Variants in RNF144A observed in about 807,000 individuals in gnomAD.
RNF144A encodes the protein ring finger protein 144A.
A neutral mutation model predicts 38.7 loss-of-function variants in RNF144A; 11 were observed. That is an observed-to-expected ratio of 0.28 (90% CI 0.18 to 0.47). The LOEUF (loss-of-function observed/expected upper bound fraction) is 0.47, where lower values mean the gene tolerates loss of function less well. Among genes scored for constraint, RNF144A ranks in the 20% least tolerant of loss-of-function variants. The pLI is 0.99. For synonymous variants in RNF144A, 149 were observed against 143.9 expected (o/e 1.04, Z -0.25); for missense variants, 316 against 377.2 (o/e 0.84, Z 1.34).
At chr2:6,972,121 C>T (rs1668033664) in intron 2 of RNF144A, among the ~76,000 whole-genome samples, 2 of 152,148 alleles carry the variant, frequency 1.3e-5, no homozygotes, top group East Asian at 1.9e-4. Flanking sequence ...CCTAAACCCA[C>T]CCATTTCCCT....
chr2:6,951,989 T>G (rs2103315029), intron 2 of RNF144A, among the ~76,000 whole-genome samples: 1 of 152,298 alleles, frequency 6.6e-6, no homozygotes, highest in African/African-American at 2.4e-5. Flanking sequence ...AGCCTGAGTT[T>G]TATAGGGAAT....
At chr2:6,959,030 G>C (rs1667176699) in intron 2 of RNF144A, among the ~76,000 whole-genome samples, 1 of 152,220 alleles carries the variant, frequency 6.6e-6, no homozygotes, top group Non-Finnish European at 1.5e-5. Context: ...ACTGCCCTCA[G>C]AGCACAGAAC....
chr2:6,938,250 C>CCCCTTTTT (rs1558364934), intron 1 of RNF144A, among the ~76,000 whole-genome samples: 2 of 114,500 alleles, frequency 1.7e-5, no homozygotes, highest in African/African-American at 3.2e-5. Flanking sequence ...CCTCCCCTCC[C>CCCCTTTTT]TTTTTTTTTT....
chr2:7,070,998 G>T (rs1326152173), downstream of RNF144A, among the ~76,000 whole-genome samples: 5 of 144,114 alleles, frequency 3.5e-5, no homozygotes, highest in Non-Finnish European at 6.0e-5. Context: ...GCAGTGGCAT[G>T]ATCTCAGATC....
intron 1 of RNF144A, among the ~76,000 whole-genome samples, chr2:6,927,421 G>C (rs1309519988): frequency 6.6e-6 from 1 of 152,234 alleles, no homozygotes. Context: ...AGTGGATCCA[G>C]CCTTTCCTCG....
intron 3 of RNF144A, among the ~76,000 whole-genome samples, chr2:7,012,753 A>G (rs1670900074): frequency 1.3e-5 from 2 of 152,216 alleles, no homozygotes; most frequent in Non-Finnish European, 2.9e-5. Context: ...ATTGGTTTTA[A>G]TGAATTTATC....
intron 3 of RNF144A, among the ~76,000 whole-genome samples, chr2:7,005,482 T>A (rs1034724906): frequency 3.9e-5 from 6 of 152,124 alleles, no homozygotes; most frequent in African/African-American, 1.4e-4. Flanking sequence ...GGGATGACTT[T>A]AGGGTGCAAA....
At chr2:7,037,511 A>G (rs11683449) in intron 8 of RNF144A, among the ~76,000 whole-genome samples, 389 of 152,372 alleles carry the variant, frequency 2.6e-3, no homozygotes, top group African/African-American at 8.7e-3. Context: ...TCAGTAAAGC[A>G]CAACCTGAAT....
chr2:7,076,189 GAC>G, the RNF144A span, among the ~76,000 whole-genome samples: 4 of 152,246 alleles, frequency 2.6e-5, no homozygotes, highest in Non-Finnish European at 4.4e-5. Context: ...CTGTGTGGTT[GAC>G]AGTTTTTTTC....
chr2:6,973,477 G>A (rs938655794), intron 2 of RNF144A, among the ~76,000 whole-genome samples: 1 of 152,220 alleles, frequency 6.6e-6, no homozygotes, highest in African/African-American at 2.4e-5. Context: ...GGCCCGGGTA[G>A]CAGGTCCTCC....
chr2:6,973,259 A>G (rs1668104479), intron 2 of RNF144A, among the ~76,000 whole-genome samples: 1 of 152,212 alleles, frequency 6.6e-6, no homozygotes, highest in African/African-American at 2.4e-5. Context: ...TTTTCAGTAT[A>G]GGATGTTGTG....
intron 8 of RNF144A, among the ~76,000 whole-genome samples, chr2:7,030,448 C>T (rs772297970): frequency 5.9e-5 from 9 of 152,074 alleles, no homozygotes; most frequent in East Asian, 1.9e-4. Context: ...AATGTCAACG[C>T]GCATCACATT....
intron 2 of RNF144A, among the ~76,000 whole-genome samples, chr2:6,984,426 C>T (rs1260086407): frequency 6.6e-6 from 1 of 152,150 alleles, no homozygotes; most frequent in Admixed American, 6.5e-5. Context: ...CCTCAGCCTC[C>T]CGAGTAGCTG....
chr2:6,936,844 A>AGTGTGTGT (rs55971680), intron 1 of RNF144A, among the ~76,000 whole-genome samples: 6,696 of 144,122 alleles, frequency 0.046, 225 homozygotes, highest in Middle Eastern at 0.064. Flanking sequence ...CACACACAGT[A>AGTGTGTGT]GTGTGTGTGT....
chr2:7,014,654 C>T (rs1671023596), intron 4 of RNF144A, 58 bp from the exon 5 acceptor site: 16 of 1,540,568 alleles, frequency 1.0e-5, no homozygotes, highest in Non-Finnish European at 1.3e-5. Flanking sequence ...GTGTGCGTTG[C>T]ATTATATTCT....
At chr2:7,007,676 TC>T (rs1457035610) in intron 3 of RNF144A, among the ~76,000 whole-genome samples, 2 of 152,166 alleles carry the variant, frequency 1.3e-5, no homozygotes, top group African/African-American at 4.8e-5. Context: ...CCCTGCCTGT[TC>T]CTGCCTCTGA....
chr2:6,977,476 G>C (rs1431259048), intron 2 of RNF144A, among the ~76,000 whole-genome samples: 2 of 152,250 alleles, frequency 1.3e-5, no homozygotes, highest in Non-Finnish European at 2.9e-5. Context: ...TTTCACTGCA[G>C]AGAGGATCGC....
chr2:6,948,596 T>C (rs1239490109), intron 2 of RNF144A, among the ~76,000 whole-genome samples: 2 of 152,170 alleles, frequency 1.3e-5, no homozygotes, highest in Non-Finnish European at 2.9e-5. Flanking sequence ...TTTCCAAATC[T>C]CACATTACCT....
chr2:6,946,378 CA>C (rs1210571286), intron 2 of RNF144A, among the ~76,000 whole-genome samples: 6 of 152,164 alleles, frequency 3.9e-5, no homozygotes, highest in African/African-American at 1.4e-4. Flanking sequence ...TCAGTCACCT[CA>C]ATCTTGATTT....
Sources: gnomAD v4.1 joint callset for allele counts (sites outside exome capture counted in the v4.1 genomes callset) on GRCh38, gnomAD v4.1.1 for gene constraint, MANE v1.5 for transcripts, NCBI Gene and HGNC (gene_info 2026-07-23, HGNC 2026-07-21) for gene names.